KHDRBS2: variants seen among roughly 807,000 people sequenced by gnomAD.
The protein encoded by KHDRBS2 is KH domain-containing, RNA-binding, signal transduction-associated protein 2.
Under a neutral mutation model 44.3 loss-of-function variants are expected in KHDRBS2, and 26 were observed. That is an observed-to-expected ratio of 0.59 (90% CI 0.43 to 0.81). KHDRBS2 has a LOEUF of 0.81. KHDRBS2 is among the 40% of genes least tolerant of loss of function. The probability of loss-of-function intolerance (pLI) is 0.00; values close to 1 mark genes in which losing one functional copy is unlikely to be tolerated. For synonymous variants in KHDRBS2, 194 were observed against 151.1 expected (o/e 1.28, Z -2.08); for missense variants, 476 against 433.1 (o/e 1.10, Z -0.88).
intron 2 of KHDRBS2, among the ~76,000 whole-genome samples, chr6:62,160,916 C>T (rs1330321721): frequency 6.6e-6 from 1 of 152,088 alleles, no homozygotes; most frequent in African/African-American, 2.4e-5. Context: ...TATCATTCAT[C>T]TCCATAACTC....
At chr6:62,199,798 G>C (rs1826529909) in intron 1 of KHDRBS2, among the ~76,000 whole-genome samples, 1 of 151,964 alleles carries the variant, frequency 6.6e-6, no homozygotes, top group South Asian at 2.1e-4. Flanking sequence ...GCCAAAAGAA[G>C]AAAGATGGAG....
At chr6:61,585,316 T>C in the KHDRBS2 span, among the ~76,000 whole-genome samples, 1 of 152,034 alleles carries the variant, frequency 6.6e-6, no homozygotes, top group Non-Finnish European at 1.5e-5. Flanking sequence ...TACTTCATCA[T>C]TTGTAAGCCT....
chr6:61,629,015 A>G, the KHDRBS2 span, among the ~76,000 whole-genome samples: 1 of 152,204 alleles, frequency 6.6e-6, no homozygotes, highest in Non-Finnish European at 1.5e-5. Context: ...TATTTTAGCT[A>G]CTAATTCTTA....
intron 3 of KHDRBS2, among the ~76,000 whole-genome samples, chr6:62,014,011 A>G (rs905724756): frequency 6.6e-6 from 1 of 152,200 alleles, no homozygotes; most frequent in African/African-American, 2.4e-5. Context: ...GTCACTACAG[A>G]GTTTTGATTG....
At chr6:61,666,963 C>T in the KHDRBS2 span, among the ~76,000 whole-genome samples, 1 of 146,322 alleles carries the variant, frequency 6.8e-6, no homozygotes, top group African/African-American at 2.5e-5. Flanking sequence ...AACTGCTGAC[C>T]TGTTTAATTT....
chr6:61,851,751 G>C (rs1583167637), intron 6 of KHDRBS2, among the ~76,000 whole-genome samples: 1 of 152,220 alleles, frequency 6.6e-6, no homozygotes, highest in East Asian at 1.9e-4. Context: ...TGGCAACCTA[G>C]TGAACTATAA....
intron 1 of KHDRBS2, among the ~76,000 whole-genome samples, chr6:62,261,192 C>T (rs1838277215): frequency 6.6e-6 from 1 of 151,804 alleles, no homozygotes; most frequent in African/African-American, 2.4e-5. Context: ...ATAATTGCTC[C>T]TTATTACCAA....
chr6:62,055,541 C>A (rs1221823299), intron 2 of KHDRBS2, among the ~76,000 whole-genome samples: 1 of 151,896 alleles, frequency 6.6e-6, no homozygotes. Flanking sequence ...ATCCATTTAC[C>A]TTATGCCTCA....
At chr6:61,758,465 C>A (rs1450110226) in intron 6 of KHDRBS2, among the ~76,000 whole-genome samples, 1 of 151,640 alleles carries the variant, frequency 6.6e-6, no homozygotes, top group Admixed American at 6.6e-5. Flanking sequence ...ATTTCTGTCC[C>A]CATGGCTTAT....
intron 2 of KHDRBS2, among the ~76,000 whole-genome samples, chr6:62,057,886 A>G (rs939337845): frequency 1.3e-5 from 2 of 151,980 alleles, no homozygotes; most frequent in African/African-American, 4.8e-5. Flanking sequence ...GCAACAAAAC[A>G]TAATTGGTGG....
At chr6:61,985,169 C>T (rs1462241820) in intron 3 of KHDRBS2, among the ~76,000 whole-genome samples, 2 of 151,716 alleles carry the variant, frequency 1.3e-5, no homozygotes, top group Non-Finnish European at 2.9e-5. Context: ...TCTTTTTTGC[C>T]CTGAAATCAA....
the KHDRBS2 span, chr6:61,661,482 CAG>C: frequency 1.3e-5 from 2 of 151,858 alleles, no homozygotes; most frequent in African/African-American, 4.8e-5. Flanking sequence ...ATAACAGTAG[CAG>C]TTGTCAAGCA....
chr6:61,787,852 C>T (rs1192067), intron 6 of KHDRBS2, among the ~76,000 whole-genome samples: 34,850 of 151,302 alleles, frequency 0.23, 4,713 homozygotes, highest in South Asian at 0.35. Flanking sequence ...AAAAGTTTAT[C>T]ATAATCTCAG....
chr6:61,596,803 C>A, the KHDRBS2 span, among the ~76,000 whole-genome samples: 3 of 152,086 alleles, frequency 2.0e-5, no homozygotes, highest in Non-Finnish European at 4.4e-5. Context: ...AGGTGCATGC[C>A]ACCACGCCTG....
chr6:62,052,362 A>G (rs1562731069), intron 2 of KHDRBS2, among the ~76,000 whole-genome samples: 1 of 151,926 alleles, frequency 6.6e-6, no homozygotes, highest in African/African-American at 2.4e-5. Flanking sequence ...GTTAAGTGAA[A>G]TAAGCCAGAC....
intron 4 of KHDRBS2, among the ~76,000 whole-genome samples, chr6:61,954,902 A>G (rs1205382583): frequency 6.9e-6 from 1 of 144,080 alleles, no homozygotes; most frequent in Non-Finnish European, 1.5e-5. Context: ...ACACATACAT[A>G]TGTGTGCATA....
chr6:61,826,191 T>C (rs910776100), intron 6 of KHDRBS2, among the ~76,000 whole-genome samples: 6 of 152,134 alleles, frequency 3.9e-5, no homozygotes, highest in Non-Finnish European at 7.3e-5. Context: ...TAGGTTTTGC[T>C]TCCCATAGTT....
At chr6:61,831,888 T>G (rs1333834983) in intron 6 of KHDRBS2, among the ~76,000 whole-genome samples, 3 of 152,346 alleles carry the variant, frequency 2.0e-5, no homozygotes, top group African/African-American at 7.2e-5. Flanking sequence ...GAGCATATTC[T>G]GAGCATAATT....
intron 3 of KHDRBS2, among the ~76,000 whole-genome samples, chr6:61,983,241 T>TTCTTTCTTTCTTTTC (rs1562581014): frequency 7.2e-6 from 1 of 138,110 alleles, no homozygotes; most frequent in Non-Finnish European, 1.5e-5. Context: ...TCTTTCTTTT[T>TTCTTTCTTTCTTTTC]TTTTTTTTTT....
Sources: gnomAD v4.1 joint callset for allele counts (sites outside exome capture counted in the v4.1 genomes callset) on GRCh38, gnomAD v4.1.1 for gene constraint, MANE v1.5 for transcripts, NCBI Gene and HGNC (gene_info 2026-07-23, HGNC 2026-07-21) for gene names.